Variants in PPP1R12B observed in about 807,000 individuals in gnomAD.
PPP1R12B encodes the protein protein phosphatase 1 regulatory subunit 12B, also known as myosin phosphatase target subunit 2.
A neutral mutation model predicts 126.1 loss-of-function variants in PPP1R12B; 76 were observed. The ratio of observed to expected loss-of-function variants is 0.60; its 90% CI spans 0.50 to 0.73. The LOEUF (loss-of-function observed/expected upper bound fraction) is 0.73. Ranked by LOEUF, PPP1R12B falls within the 30% of genes least tolerant of loss-of-function variation. The pLI is 0.00. For synonymous variants in PPP1R12B, 356 were observed against 434.7 expected (o/e 0.82, Z 2.25); for missense variants, 1,052 against 1,205.1 (o/e 0.87, Z 1.88).
At chr1:202,389,906 G>A (rs1160434900) in intron 1 of PPP1R12B, among the ~76,000 whole-genome samples, 6 of 142,502 alleles carry the variant, frequency 4.2e-5, no homozygotes, top group East Asian at 2.0e-4. Flanking sequence ...CAGTCTGGGC[G>A]ACAGAGCGGG....
chr1:202,542,679 T>C (rs1035056029), intron 18 of PPP1R12B, among the ~76,000 whole-genome samples: 6 of 152,190 alleles, frequency 3.9e-5, no homozygotes, highest in Admixed American at 3.3e-4. Flanking sequence ...CTGTGCCTGG[T>C]TCTCAAATCC....
At chr1:202,521,786 C>CAATAATAATAATAATAATAAT (rs1442646063) in intron 18 of PPP1R12B, among the ~76,000 whole-genome samples, 2 of 152,022 alleles carry the variant, frequency 1.3e-5, no homozygotes, top group African/African-American at 4.8e-5. Context: ...AAAAAAGTGG[C>CAATAATAATAATAATAATAAT]AATAATAATA....
At chr1:202,407,759 C>T (rs1262158663) in intron 1 of PPP1R12B, among the ~76,000 whole-genome samples, 1 of 152,120 alleles carries the variant, frequency 6.6e-6, no homozygotes, top group Admixed American at 6.5e-5. Flanking sequence ...CCTGTAGTGA[C>T]GATCTCCTGA....
chr1:202,396,153 C>G (rs1664950495), intron 1 of PPP1R12B, among the ~76,000 whole-genome samples: 1 of 152,158 alleles, frequency 6.6e-6, no homozygotes, highest in African/African-American at 2.4e-5. Flanking sequence ...ACCAAAAAAA[C>G]CCTTTTAACA....
At chr1:202,514,394 G>A (rs1203595531) in intron 18 of PPP1R12B, among the ~76,000 whole-genome samples, 1 of 152,114 alleles carries the variant, frequency 6.6e-6, no homozygotes, top group Non-Finnish European at 1.5e-5. Context: ...GTACTCTGTT[G>A]ATAGTTTCTT....
intron 18 of PPP1R12B, among the ~76,000 whole-genome samples, chr1:202,546,455 C>A (rs1400671615): frequency 6.6e-6 from 1 of 152,006 alleles, no homozygotes; most frequent in Non-Finnish European, 1.5e-5. Flanking sequence ...AATTGTTAAA[C>A]TAGCCAGGTA....
intron 18 of PPP1R12B, among the ~76,000 whole-genome samples, chr1:202,512,159 G>C (rs1051766332): frequency 6.6e-6 from 1 of 152,170 alleles, no homozygotes; most frequent in Admixed American, 6.5e-5. Context: ...CCCTAGAAAA[G>C]AGCAGGAATA....
Position 202,582,004 on chromosome 1 carries a change from T to C in PPP1R12B, c.*1444T>C, listed in dbSNP as rs1304952679. 6.6e-6 allele frequency: 1 copy of C among 152,196 alleles called. No homozygotes were observed. The highest frequency in any genetic ancestry group is 1.9e-4 in the East Asian group (1 of 5,196). The allele number at this position is 152,196 out of a possible 1,614,324, so 9.4% of individuals were successfully genotyped here. ...CCCATGGGCATGGTCAGGTAGCCTC[T>C]GGTGGCTATGCATTTATTACTCAAA... is the stretch of plus-strand genomic sequence containing the variant. On this transcript the variant is annotated 3_prime_UTR_variant, in exon 24 of 24. Coordinates refer to ENST00000608999, the MANE Select transcript of PPP1R12B (RefSeq NM_002481.4).
At chr1:202,382,042 G>T (rs915848292) in intron 1 of PPP1R12B, among the ~76,000 whole-genome samples, 1 of 152,040 alleles carries the variant, frequency 6.6e-6, no homozygotes, top group African/African-American at 2.4e-5. Context: ...AACAATGATA[G>T]ACTGGATTAA....
intron 18 of PPP1R12B, among the ~76,000 whole-genome samples, chr1:202,525,895 C>T (rs902769746): frequency 5.9e-5 from 9 of 152,178 alleles, no homozygotes; most frequent in Non-Finnish European, 7.3e-5. Flanking sequence ...GACGGGCTTT[C>T]GCCATGTTGA....
intron 1 of PPP1R12B, among the ~76,000 whole-genome samples, chr1:202,355,477 TA>T (rs1167293913): frequency 1.3e-5 from 2 of 152,010 alleles, no homozygotes; most frequent in African/African-American, 4.8e-5. Flanking sequence ...CATGGGCGAA[TA>T]AATAGGAATG....
chr1:202,504,546 A>G (rs1199877598), intron 18 of PPP1R12B, among the ~76,000 whole-genome samples: 1 of 152,356 alleles, frequency 6.6e-6, no homozygotes, highest in South Asian at 2.1e-4. Context: ...AAGGTCACCT[A>G]GTTAACACTG....
At chr1:202,383,754 A>G (rs889102954) in intron 1 of PPP1R12B, among the ~76,000 whole-genome samples, 3 of 152,154 alleles carry the variant, frequency 2.0e-5, no homozygotes, top group African/African-American at 7.2e-5. Context: ...AATCTAAATT[A>G]TATTTGTTAA....
intron 18 of PPP1R12B, among the ~76,000 whole-genome samples, chr1:202,500,932 T>G (rs1023620491): frequency 1.3e-5 from 2 of 152,202 alleles, no homozygotes; most frequent in African/African-American, 4.8e-5. Context: ...AGGAACATGC[T>G]TAGAAGGCTG....
At position 202,493,112 on chromosome 1, in the gene PPP1R12B, A is replaced by G; in HGVS notation, c.1942-2A>G. On this transcript the variant is annotated splice_acceptor_variant, in intron 14 of 23. Coordinates refer to ENST00000608999, the MANE Select transcript of PPP1R12B (RefSeq NM_002481.4). LOFTEE classifies it high-confidence loss of function. ...AGCCCTGATCTTGTGATATTTTCCCAGGGTGTCACCCTAACAGACCTTCAA... is the reference window on the plus strand; with the variant it reads ...AGCCCTGATCTTGTGATATTTTCCCGGGGTGTCACCCTAACAGACCTTCAA... 6.2e-7 allele frequency: 1 copy of G among 1,611,602 alleles called. No homozygotes were observed. Among genetic ancestry groups the G allele is most frequent in the Non-Finnish European group, 8.5e-7 (1 of 1,179,522 alleles).
chr1:202,591,693 G>A lies in PPP1R12B; in HGVS notation c.*11133G>A, dbSNP rs145000757. 235 of 152,332 alleles carry A rather than the reference G, an allele frequency of 1.5e-3. 1 individual carries two copies. Among genetic ancestry groups the A allele is most frequent in the East Asian group, 5.1e-3 (26 of 5,112 alleles). 9.4% of individuals were successfully genotyped at this position (152,332 alleles called of 1,614,324 possible). ...AAGAGCGTCAGCCCCTGTATTCACCGGCCTCTCCCTGAGTCCCTCCTCCAT... is the reference window on the plus strand; with the variant it reads ...AAGAGCGTCAGCCCCTGTATTCACCAGCCTCTCCCTGAGTCCCTCCTCCAT... On this transcript the variant is annotated 3_prime_UTR_variant, in exon 24 of 24. Coordinates refer to ENST00000608999, the MANE Select transcript of PPP1R12B (RefSeq NM_002481.4).
At chr1:202,396,030 C>A (rs1429426111) in intron 1 of PPP1R12B, among the ~76,000 whole-genome samples, 2 of 152,232 alleles carry the variant, frequency 1.3e-5, no homozygotes, top group Non-Finnish European at 2.9e-5. Flanking sequence ...GTATGCTCCT[C>A]ACCCTTCTGA....
chr1:202,560,848 T>C (rs1206616569), intron 19 of PPP1R12B, among the ~76,000 whole-genome samples: 1 of 152,110 alleles, frequency 6.6e-6, no homozygotes, highest in African/African-American at 2.4e-5. Context: ...AGTAAGACAC[T>C]ATAAACAGAG....
chr1:202,510,740 T>C lies in PPP1R12B; in HGVS notation c.2490+13918T>C, dbSNP rs1297774735. 2.0e-5 allele frequency among the ~76,000 whole-genome samples: 3 copies of C among 151,974 alleles called. No homozygotes were observed. The East Asian group carries it at 5.8e-4, about 29-fold the overall frequency. The stretch of plus-strand genomic sequence containing the variant: ...CCATTATATGTCAGGCACTATGCAT[T>C]AGAGATGCAAAAATGTACAAGGTAG... On this transcript the variant is annotated intron_variant, in intron 18 of 23. Coordinates refer to ENST00000608999, the MANE Select transcript of PPP1R12B (RefSeq NM_002481.4).
Sources: allele counts gnomAD v4.1 joint callset (sites outside exome capture counted in the v4.1 genomes callset), GRCh38; gene constraint gnomAD v4.1.1; transcripts MANE v1.5; gene names NCBI Gene and HGNC (gene_info 2026-07-23, HGNC 2026-07-21).